ANKH: variants seen among roughly 807,000 people sequenced by gnomAD.
ANKH encodes the protein mineralization regulator ANKH.
In ANKH, 15 loss-of-function variants were observed where a neutral mutation model predicts 49.0. The ratio of observed to expected loss-of-function variants is 0.31; its 90% CI spans 0.20 to 0.47. The LOEUF is 0.47. ANKH is among the 20% of genes least tolerant of loss of function. The probability of loss-of-function intolerance (pLI) is 1.00; values close to 1 mark genes in which losing one functional copy is unlikely to be tolerated. For synonymous variants in ANKH, 273 were observed against 260.0 expected (o/e 1.05, Z -0.48); for missense variants, 429 against 652.0 (o/e 0.66, Z 3.72).
intron 1 of ANKH, among the ~76,000 whole-genome samples, chr5:14,847,091 G>A (rs1365241753): frequency 6.6e-6 from 1 of 151,914 alleles, no homozygotes; most frequent in African/African-American, 2.4e-5. Context: ...GAAGGGTGCT[G>A]CATCAAAGGC....
chr5:14,852,497 T>C (rs1408614478), intron 1 of ANKH, among the ~76,000 whole-genome samples: 2 of 152,216 alleles, frequency 1.3e-5, no homozygotes, highest in East Asian at 3.8e-4. Flanking sequence ...AAATGAGTTA[T>C]TTTTGATGCA....
At chr5:14,857,096 C>CAA (rs1735293253) in intron 1 of ANKH, among the ~76,000 whole-genome samples, 2 of 152,174 alleles carry the variant, frequency 1.3e-5, no homozygotes, top group Non-Finnish European at 2.9e-5. Context: ...GCCCACCCTA[C>CAA]GCCTATGTCT....
chr5:14,708,048 C>T lies in ANKH; in HGVS notation c.*3149G>A, dbSNP rs1737008323. The T allele has an allele frequency of 6.6e-6, 1 of 152,196 alleles. No individual in the cohort carries two copies. Among genetic ancestry groups the T allele is most frequent in the African/African-American group, 2.4e-5 (1 of 41,444 alleles). 9.4% of individuals were successfully genotyped at this position (152,196 alleles called of 1,614,324 possible). On this transcript the variant is annotated 3_prime_UTR_variant, in exon 12 of 12. Coordinates refer to ENST00000284268, the MANE Select transcript of ANKH (RefSeq NM_054027.6). Reference sequence around the variant, plus strand: ...CATGTGGCCGGCAGGTCCAATCCTACCGTGACTTTCCAAGCGCAAGCCTCG... The same window carrying T: ...CATGTGGCCGGCAGGTCCAATCCTATCGTGACTTTCCAAGCGCAAGCCTCG...
Position 14,716,721 on chromosome 5 carries a change from A to G in ANKH, c.1126T>C (p.Phe376Leu), listed in dbSNP as rs1471443216. 1 of 1,614,142 alleles carries G rather than the reference A, an allele frequency of 6.2e-7. No homozygotes were observed. ...LCVVPLRIFSFFPVPVTVRAH... is the reference protein window; with the variant it reads ...LCVVPLRIFSLFPVPVTVRAH... ...TTTTCTTTACCTGGAACTGGGAAGA[A>G]GGAGAAGATCCGCAAAGGAACAACA... The change falls in exon 9 of 12, where the codon TTC becomes CTC. Residue 376 changes from phenylalanine (F) to leucine (L), a missense_variant. Physicochemically the swap from Phe to Leu is conservative, Grantham distance 22. Coordinates refer to ENST00000284268, the MANE Select transcript of ANKH (RefSeq NM_054027.6).
chr5:14,776,251 A>C (rs1451333634), intron 1 of ANKH, among the ~76,000 whole-genome samples: 2 of 152,210 alleles, frequency 1.3e-5, no homozygotes, highest in African/African-American at 4.8e-5. Flanking sequence ...TTTGAGAGGA[A>C]AAAGCAAGAG....
chr5:14,789,349 G>A (rs531735976), intron 1 of ANKH, among the ~76,000 whole-genome samples: 32 of 151,838 alleles, frequency 2.1e-4, no homozygotes, highest in African/African-American at 7.0e-4. Context: ...TTGAGCTTCC[G>A]TATGAGTTAA....
intron 1 of ANKH, among the ~76,000 whole-genome samples, chr5:14,781,250 A>G (rs1739796249): frequency 2.0e-5 from 3 of 152,236 alleles, no homozygotes; most frequent in African/African-American, 2.4e-5. Context: ...GCTTCAGCCA[A>G]GAACTTCACG....
At chr5:14,768,876 A>T in intron 2 of ANKH, 99 bp downstream of exon 2, 1 of 1,281,816 alleles carries the variant, frequency 7.8e-7, no homozygotes, top group Non-Finnish European at 1.1e-6. Context: ...TTTGATAATT[A>T]GTGAAGAAAC....
chr5:14,848,302 G>A (rs1037326538), intron 1 of ANKH, among the ~76,000 whole-genome samples: 3 of 152,164 alleles, frequency 2.0e-5, no homozygotes, highest in African/African-American at 7.2e-5. Context: ...ATACCAATTA[G>A]GCTAAAAGCA....
chr5:14,751,311 G>C, intron 4 of ANKH, 72 bp from the exon 5 acceptor site: 4 of 1,496,010 alleles, frequency 2.7e-6, no homozygotes, highest in Non-Finnish European at 3.7e-6. Context: ...ACAGGGGCAC[G>C]CTCTTGAACC....
chr5:14,737,474 G>GAGCTGACCCC lies in ANKH; in HGVS notation c.1011+4352_1011+4353insGGGGTCAGCT. 6.6e-6 allele frequency among the ~76,000 whole-genome samples: 1 copy of GAGCTGACCCC among 152,332 alleles called. No individual in the cohort carries two copies. The highest frequency in any genetic ancestry group is 1.9e-4 in the East Asian group (1 of 5,184). On this transcript the variant is annotated intron_variant, in intron 8 of 11. Coordinates refer to ENST00000284268, the MANE Select transcript of ANKH (RefSeq NM_054027.6). This position sits in a 1 kb window ranked among gnomAD's most constrained non-coding sequence, Gnocchi z 5.0. ...GCTCCAGGAGTGTCTACCTAGAGAA[G>GAGCTGACCCC]CACAGCCTTTTAGGGCACACTCACT...
chr5:14,711,142 T>C lies in ANKH; in HGVS notation c.*55A>G, dbSNP rs1737170108. On this transcript the variant is annotated 3_prime_UTR_variant, in exon 12 of 12. Coordinates refer to ENST00000284268, the MANE Select transcript of ANKH (RefSeq NM_054027.6). ...ATACGATGGGAGAGGGAAGAGATGA[T>C]GCCGAAGTGTCATCCTGACTGACTG... 7.1e-7 allele frequency: 1 copy of C among 1,404,556 alleles called. No individual in the cohort carries two copies. The highest frequency in any genetic ancestry group is 1.4e-5 in the African/African-American group (1 of 70,858). 87.0% of individuals were successfully genotyped at this position (1,404,556 alleles called of 1,614,324 possible). A position where few individuals can be genotyped will look rare whatever the true frequency, so the allele number is the denominator to read the frequency against.
At chr5:14,871,079 G>A (rs1416039910) in intron 1 of ANKH, 4 of 580,732 alleles carry the variant, frequency 6.9e-6, no homozygotes, top group South Asian at 3.1e-5. Flanking sequence ...ACATAATACT[G>A]CCGTGCACTA....
chr5:14,782,664 G>A (rs902188170), intron 1 of ANKH, among the ~76,000 whole-genome samples: 1 of 152,050 alleles, frequency 6.6e-6, no homozygotes, highest in African/African-American at 2.4e-5. Context: ...CAAGCATTAC[G>A]GCGCAGATGT....
chr5:14,861,137 TA>T (rs1735476882), intron 1 of ANKH, among the ~76,000 whole-genome samples: 1 of 152,222 alleles, frequency 6.6e-6, no homozygotes. Flanking sequence ...GGACTCACTA[TA>T]ATTTGAATGA....
At chr5:14,744,291 G>A (rs867895445) in intron 7 of ANKH, among the ~76,000 whole-genome samples, 32 of 142,118 alleles carry the variant, frequency 2.3e-4, no homozygotes, top group African/African-American at 9.1e-4. Context: ...CCAGTAGGTG[G>A]TGAGTCCTAA....
rs146840839 is a variant in ANKH, at chr5:14,841,738, T to C, written c.96+29614A>G. Among the ~76,000 whole-genome samples the C allele has an allele frequency of 2.0e-5, 3 of 152,302 alleles. No individual in the cohort carries two copies. The East Asian group carries it at 5.8e-4, about 29-fold the overall frequency. ...GTCCCCATTAAACACTAACTCCCAA[T>C]TATCTTTCCGCCAAGCCCCCAGCAA... is the stretch of plus-strand genomic sequence containing the variant. On this transcript the variant is annotated intron_variant, in intron 1 of 11. Coordinates refer to ENST00000284268, the MANE Select transcript of ANKH (RefSeq NM_054027.6).
rs568816959 is a variant in ANKH, at chr5:14,841,070, C to T, written c.96+30282G>A. 1.0e-3 allele frequency among the ~76,000 whole-genome samples: 156 copies of T among 152,116 alleles called. 1 individual carries two copies. The highest frequency in any genetic ancestry group is 9.3e-3 in the South Asian group (45 of 4,814). On this transcript the variant is annotated intron_variant, in intron 1 of 11. Coordinates refer to ENST00000284268, the MANE Select transcript of ANKH (RefSeq NM_054027.6). ...TATATGACTAATATGTATGAGGATA[C>T]TAATTGTCACTACTGAGAGGACAGA...
chr5:14,783,918 T>G (rs977844192), intron 1 of ANKH, among the ~76,000 whole-genome samples: 3 of 152,130 alleles, frequency 2.0e-5, no homozygotes, highest in Non-Finnish European at 4.4e-5. Context: ...TTTCTGAAAA[T>G]TAGAGCAGCT....
Sources: allele counts gnomAD v4.1 joint callset (sites outside exome capture counted in the v4.1 genomes callset), GRCh38; gene constraint gnomAD v4.1.1; non-coding constraint Gnocchi (gnomAD v3.1); transcripts MANE v1.5; gene names NCBI Gene and HGNC (gene_info 2026-07-23, HGNC 2026-07-21).